RORA: variants seen among roughly 807,000 people sequenced by gnomAD.
The protein encoded by RORA is RAR related orphan receptor A.
In RORA, 7 loss-of-function variants were observed where a neutral mutation model predicts 69.5. The observed-to-expected ratio is 0.10, with a 90% CI of 0.06 to 0.19. RORA has a LOEUF of 0.19. Ranked by LOEUF, RORA falls within the 10% of genes least tolerant of loss-of-function variation. RORA has a pLI of 1.00. For missense variants in RORA, 457 were observed against 663.0 expected (o/e 0.69, Z 3.41); for synonymous variants, 261 against 240.8 (o/e 1.08, Z -0.78).
At chr15:61,064,989 A>C (rs1268955073) in intron 1 of RORA, among the ~76,000 whole-genome samples, 1 of 152,170 alleles carries the variant, frequency 6.6e-6, no homozygotes, top group African/African-American at 2.4e-5. Context: ...TTCCCAGTAC[A>C]TCAAGCAAGG....
At position 60,597,591 on chromosome 15, in the gene RORA, TATAC is replaced by T. The variant is rs1460246411; in HGVS notation, c.197-65744_197-65741del. Reference sequence around the variant, plus strand: ...ATATATATACACATATATATATATATATACACATATATATATATATATATATACA... The same window carrying T: ...ATATATATACACATATATATATATATACATATATATATATATATATATACA... On this transcript the variant is annotated intron_variant, in intron 2 of 10. Transcript: ENST00000335670. Among the ~76,000 whole-genome samples the T allele has an allele frequency of 2.4e-4, 6 of 24,650 alleles. 1 individual carries two copies. The highest frequency in any genetic ancestry group is 4.4e-4 in the African/African-American group (3 of 6,784). The allele number at this position is 24,650 out of a possible 152,430, so 16.2% of individuals were successfully genotyped here.
At chr15:60,929,355 G>T (rs972292042) in intron 1 of RORA, among the ~76,000 whole-genome samples, 19 of 152,138 alleles carry the variant, frequency 1.2e-4, no homozygotes, top group African/African-American at 4.6e-4. Context: ...AAGCTATGAA[G>T]TCTGGTATTC....
intron 1 of RORA, among the ~76,000 whole-genome samples, chr15:60,714,892 C>G (rs116489328): frequency 0.014 from 2,107 of 152,164 alleles, 44 homozygotes; most frequent in African/African-American, 0.047. Flanking sequence ...CTGTATGAGG[C>G]CCTCTTTTCA....
intron 1 of RORA, among the ~76,000 whole-genome samples, chr15:60,847,234 G>C (rs1465627541): frequency 6.6e-6 from 1 of 151,904 alleles, no homozygotes; most frequent in African/African-American, 2.4e-5. Context: ...CTCCCTTGAG[G>C]ATTAAAGGTA....
At position 60,732,044 on chromosome 15, in the gene RORA, T is replaced by C. The variant is rs539181713; in HGVS notation, c.167-53358A>G. Among the ~76,000 whole-genome samples the C allele has an allele frequency of 2.6e-5, 4 of 152,280 alleles. No individual in the cohort carries two copies. The East Asian group carries it at 7.7e-4, about 29-fold the overall frequency. Reference sequence around the variant, plus strand: ...TCTTAGAGGCTGAGTTGAATGGTCATCTAAATCAACTGTGCTATGGAATAG... The same window carrying C: ...TCTTAGAGGCTGAGTTGAATGGTCACCTAAATCAACTGTGCTATGGAATAG... On this transcript the variant is annotated intron_variant, in intron 1 of 10. Coordinates refer to ENST00000335670, the MANE Select transcript of RORA (RefSeq NM_134261.3).
At chr15:60,638,762 C>A (rs1276272060) in intron 2 of RORA, among the ~76,000 whole-genome samples, 1 of 152,136 alleles carries the variant, frequency 6.6e-6, no homozygotes, top group Non-Finnish European at 1.5e-5. Flanking sequence ...ACGACTGATA[C>A]ATCTTGCATG....
intron 1 of RORA, among the ~76,000 whole-genome samples, chr15:60,845,816 C>T (rs983417668): frequency 1.3e-5 from 2 of 152,114 alleles, no homozygotes; most frequent in Admixed American, 6.5e-5. Flanking sequence ...GTGCGATCTC[C>T]GCTCACTGCA....
chr15:60,831,685 T>A (rs1006331018), intron 1 of RORA, among the ~76,000 whole-genome samples: 4 of 152,214 alleles, frequency 2.6e-5, no homozygotes, highest in African/African-American at 9.6e-5. Context: ...CTTTCTCAAG[T>A]GCTTTTTCAT....
chr15:60,726,936 C>T (rs1213110832), intron 1 of RORA, among the ~76,000 whole-genome samples: 1 of 152,174 alleles, frequency 6.6e-6, no homozygotes, highest in African/African-American at 2.4e-5. Flanking sequence ...AATTATACTA[C>T]AGAATCTCCT....
chr15:60,966,810 T>C (rs1168122311), intron 1 of RORA, among the ~76,000 whole-genome samples: 2 of 152,234 alleles, frequency 1.3e-5, no homozygotes, highest in Non-Finnish European at 2.9e-5. Flanking sequence ...AATAGAATTC[T>C]GATTATACAG....
At chr15:60,653,224 G>T (rs1219308196) in intron 2 of RORA, among the ~76,000 whole-genome samples, 1 of 152,124 alleles carries the variant, frequency 6.6e-6, no homozygotes, top group Admixed American at 6.5e-5. Context: ...GCTTGAGTTT[G>T]CTGGGAAAAC....
chr15:60,867,935 G>T (rs1595778270), intron 1 of RORA, among the ~76,000 whole-genome samples: 1 of 152,028 alleles, frequency 6.6e-6, no homozygotes, highest in Admixed American at 6.6e-5. Flanking sequence ...TTTTAATCTG[G>T]TCATGATAGT....
chr15:60,497,456 T>C lies in RORA; in HGVS notation c.1571A>G (p.Ter524=), dbSNP rs1286381308. 1 of 1,613,584 alleles carries C rather than the reference T, an allele frequency of 6.2e-7. No individual in the cohort carries two copies. Among genetic ancestry groups the C allele is most frequent in the Admixed American group, 1.7e-5 (1 of 59,994 alleles). ...EFEPAMQIDG[*] ...CTAGAAGTGCTTAGGTGATAACATT[T>C]ACCCATCAATTTGCATTGCTGGCTC... is the stretch of plus-strand genomic sequence containing the variant. The change falls in exon 11 of 11, where the codon TAA becomes TGA. Residue 524 remains the stop codon, a stop_retained_variant. Coordinates refer to ENST00000335670, the MANE Select transcript of RORA (RefSeq NM_134261.3).
At chr15:60,747,201 G>A (rs2140856286) in intron 1 of RORA, among the ~76,000 whole-genome samples, 1 of 152,172 alleles carries the variant, frequency 6.6e-6, no homozygotes, top group East Asian at 1.9e-4. Flanking sequence ...CCAGATAACA[G>A]CAATGTTTTA....
chr15:60,974,433 C>A (rs1595855395), intron 1 of RORA, among the ~76,000 whole-genome samples: 1 of 152,268 alleles, frequency 6.6e-6, no homozygotes. Flanking sequence ...CCCATTTCTC[C>A]CCTTCACACA....
chr15:60,737,497 T>C (rs909338269), intron 1 of RORA, among the ~76,000 whole-genome samples: 4 of 152,192 alleles, frequency 2.6e-5, no homozygotes, highest in Admixed American at 6.5e-5. Flanking sequence ...TGCCAGTTCT[T>C]GGGTCCCATC....
chr15:60,719,789 CT>C (rs2071269164), intron 1 of RORA, among the ~76,000 whole-genome samples: 1 of 152,094 alleles, frequency 6.6e-6, no homozygotes, highest in South Asian at 2.1e-4. Context: ...GGAAATTCAC[CT>C]TGCAGACTCC....
intron 1 of RORA, among the ~76,000 whole-genome samples, chr15:60,956,414 T>C (rs1893269447): frequency 6.6e-6 from 1 of 152,146 alleles, no homozygotes; most frequent in Admixed American, 6.5e-5. Flanking sequence ...TTGTCCAAGG[T>C]CAAAACTGCT....
At chr15:60,933,895 C>G (rs982895342) in intron 1 of RORA, among the ~76,000 whole-genome samples, 3 of 152,188 alleles carry the variant, frequency 2.0e-5, no homozygotes, top group African/African-American at 7.2e-5. Context: ...CACACAGACT[C>G]CCACAAACCA....
Sources: allele counts gnomAD v4.1 joint callset (sites outside exome capture counted in the v4.1 genomes callset), GRCh38; gene constraint gnomAD v4.1.1; transcripts MANE v1.5; gene names NCBI Gene and HGNC (gene_info 2026-07-23, HGNC 2026-07-21).